ATXN7: variants seen among roughly 807,000 people sequenced by gnomAD.
ATXN7 encodes ataxin 7.
ATXN7 carries 12 observed loss-of-function variants against 70.5 expected under a neutral mutation model. The ratio of observed to expected loss-of-function variants is 0.17; its 90% CI spans 0.11 to 0.28. ATXN7 has a LOEUF of 0.28. Ranked by LOEUF, ATXN7 falls within the 10% of genes least tolerant of loss-of-function variation. The pLI is 1.00. For synonymous variants in ATXN7, 498 were observed against 448.7 expected (o/e 1.11, Z -1.39); for missense variants, 1,256 against 1,131.7 (o/e 1.11, Z -1.58).
chr3:63,938,226 G>T (rs1559639017), intron 4 of ATXN7, among the ~76,000 whole-genome samples: 1 of 152,178 alleles, frequency 6.6e-6, no homozygotes, highest in African/African-American at 2.4e-5. Context: ...AAAGTCTGAA[G>T]AAGTAAAACT....
intron 4 of ATXN7, among the ~76,000 whole-genome samples, chr3:63,940,255 T>C (rs1354502502): frequency 1.3e-5 from 2 of 148,852 alleles, no homozygotes; most frequent in African/African-American, 2.5e-5. Flanking sequence ...AGTCATAAAC[T>C]CCCTGCTGGA....
At chr3:63,964,823 A>G (rs1226099131) in intron 5 of ATXN7, among the ~76,000 whole-genome samples, 1 of 152,168 alleles carries the variant, frequency 6.6e-6, no homozygotes, top group Admixed American at 6.5e-5. Flanking sequence ...CCAAGTTTGA[A>G]AATACTTTTT....
chr3:63,945,403 A>G (rs1038049063), intron 4 of ATXN7, among the ~76,000 whole-genome samples: 21 of 152,244 alleles, frequency 1.4e-4, no homozygotes, highest in Admixed American at 1.1e-3. Flanking sequence ...ATTGAAATAC[A>G]GAAGTTTTAC....
intron 8 of ATXN7, among the ~76,000 whole-genome samples, chr3:63,983,349 A>C (rs1018618320): frequency 6.6e-6 from 1 of 152,244 alleles, no homozygotes; most frequent in African/African-American, 2.4e-5. Context: ...GCTTTAAATT[A>C]TACTGGCTTA....
chr3:63,918,028 A>G (rs967504549), intron 4 of ATXN7, among the ~76,000 whole-genome samples: 1 of 152,184 alleles, frequency 6.6e-6, no homozygotes, highest in Non-Finnish European at 1.5e-5. Flanking sequence ...CTTATCTTTG[A>G]TATTTAGGCA....
intron 4 of ATXN7, among the ~76,000 whole-genome samples, chr3:63,927,323 G>C (rs79661530): frequency 0.024 from 3,631 of 152,224 alleles, 76 homozygotes; most frequent in African/African-American, 0.06. Context: ...CATCACTCTT[G>C]CTGAAAGGTG....
chr3:63,958,435 G>C (rs919166784), intron 5 of ATXN7, among the ~76,000 whole-genome samples: 1 of 152,036 alleles, frequency 6.6e-6, no homozygotes, highest in Non-Finnish European at 1.5e-5. Context: ...GACTGGTTCT[G>C]GCAAAAATGC....
rs372721993 is a variant in ATXN7 at position 63,985,572 on chromosome 3, A to G, written c.1096-2487A>G. On this transcript the variant is annotated intron_variant, in intron 8 of 12. Coordinates refer to ENST00000674280, the MANE Select transcript of ATXN7 (RefSeq NM_001377405.1). ...ATGTCCCTACCCTGAGTGTTTCCCAAGTTGCTGCCAGGTCTCTTCTGTCTT... is the reference window on the plus strand; with the variant it reads ...ATGTCCCTACCCTGAGTGTTTCCCAGGTTGCTGCCAGGTCTCTTCTGTCTT... Among the ~76,000 whole-genome samples, 4 of 152,242 alleles carry G rather than the reference A, an allele frequency of 2.6e-5. No homozygotes were observed. The South Asian group carries it at 6.2e-4, about 24-fold the overall frequency.
chr3:63,918,586 A>G (rs1288983817), intron 4 of ATXN7, among the ~76,000 whole-genome samples: 1 of 152,180 alleles, frequency 6.6e-6, no homozygotes, highest in Non-Finnish European at 1.5e-5. Context: ...ATTTTGAAGC[A>G]TATCATTTCT....
Position 63,912,742 on chromosome 3 carries a change from G to T in ATXN7, c.144G>T (p.Gln48His). ...QQPPPPQPQR[Q>H]QHPPPPPRRT... The stretch of plus-strand genomic sequence containing the variant: ...CGCCGCCTCCGCAGCCCCAGCGGCA[G>T]CAGCACCCGCCACCGCCGCCACGGC... The change falls in exon 3 of 13, where the codon CAG becomes CAT. Residue 48 changes from glutamine (Q) to histidine (H), a missense_variant. Transcript: ENST00000674280. 7.7e-7 allele frequency: 1 copy of T among 1,290,374 alleles called. No homozygotes were observed. Among genetic ancestry groups the T allele is most frequent in the East Asian group, 3.4e-5 (1 of 29,726 alleles). 79.9% of individuals were successfully genotyped at this position (1,290,374 alleles called of 1,614,324 possible). A position where few individuals can be genotyped will look rare whatever the true frequency, so the allele number is the denominator to read the frequency against.
rs78270911 is a variant in ATXN7, at chr3:63,911,613, C to T, written c.-11-975C>T. ...AATATGTACACGGGTTAAAGCTTCTCTCGGTTTGTTTCACTCTCCTCCATT... is the reference window on the plus strand; with the variant it reads ...AATATGTACACGGGTTAAAGCTTCTTTCGGTTTGTTTCACTCTCCTCCATT... On this transcript the variant is annotated intron_variant, in intron 2 of 12. Transcript: ENST00000674280. The T allele has an allele frequency of 3.0e-4, 46 of 152,302 alleles. 1 individual carries two copies. The East Asian group carries it at 8.5e-3, about 28-fold the overall frequency. 9.4% of individuals were successfully genotyped at this position (152,302 alleles called of 1,614,324 possible).
At chr3:63,907,626 A>AT (rs547898744) in intron 2 of ATXN7, among the ~76,000 whole-genome samples, 1,332 of 131,200 alleles carry the variant, frequency 0.01, 17 homozygotes, top group African/African-American at 0.03. Context: ...GCCTGGCTGT[A>AT]TTTTTTTTTT....
intron 1 of ATXN7, among the ~76,000 whole-genome samples, chr3:63,893,608 G>A (rs541356183): frequency 4.6e-5 from 7 of 152,268 alleles, no homozygotes; most frequent in South Asian, 2.1e-4. Flanking sequence ...GGCGTTCTAC[G>A]AAGTGTTGAG....
chr3:63,931,896 G>A (rs776236558), intron 4 of ATXN7, among the ~76,000 whole-genome samples: 2 of 152,350 alleles, frequency 1.3e-5, no homozygotes, highest in African/African-American at 2.4e-5. Context: ...CAGGAAGGAC[G>A]AGGGTGTGGG....
At chr3:63,876,440 T>TAC (rs1702751551) in intron 1 of ATXN7, among the ~76,000 whole-genome samples, 1 of 152,170 alleles carries the variant, frequency 6.6e-6, no homozygotes, top group African/African-American at 2.4e-5. Context: ...GTCATTACAT[T>TAC]AAGACAGTTT....
At chr3:63,980,457 T>C (rs1429095096) in intron 6 of ATXN7, 6 of 397,936 alleles carry the variant, frequency 1.5e-5, no homozygotes, top group African/African-American at 1.0e-4. Context: ...AACAACCCTA[T>C]GGAATAGGTA....
intron 5 of ATXN7, among the ~76,000 whole-genome samples, chr3:63,964,638 G>A (rs1178702844): frequency 6.6e-6 from 1 of 152,150 alleles, no homozygotes; most frequent in African/African-American, 2.4e-5. Flanking sequence ...CTGCTGCATG[G>A]TTTTAGCCCC....
At chr3:63,896,843 AAGG>A (rs1400643279) in intron 1 of ATXN7, among the ~76,000 whole-genome samples, 2 of 152,200 alleles carry the variant, frequency 1.3e-5, no homozygotes, top group Non-Finnish European at 2.9e-5. Context: ...AACTATCCTG[AAGG>A]AGATTTCATA....
chr3:63,979,573 TC>T (rs2075451498), intron 5 of ATXN7, among the ~76,000 whole-genome samples: 1 of 152,186 alleles, frequency 6.6e-6, no homozygotes, highest in Non-Finnish European at 1.5e-5. Context: ...ATAATTTTCC[TC>T]TCTCTTAATG....
Sources: gnomAD v4.1 joint callset for allele counts (sites outside exome capture counted in the v4.1 genomes callset) on GRCh38, gnomAD v4.1.1 for gene constraint, MANE v1.5 for transcripts, NCBI Gene and HGNC (gene_info 2026-07-23, HGNC 2026-07-21) for gene names.